Variants in RNF38 observed in about 807,000 individuals in gnomAD.
RNF38 encodes E3 ubiquitin-protein ligase RNF38.
A neutral mutation model predicts 67.2 loss-of-function variants in RNF38; 15 were observed. The ratio of observed to expected loss-of-function variants is 0.22; its 90% confidence interval spans 0.15 to 0.34. RNF38 has a LOEUF of 0.34. Ranked by LOEUF, RNF38 falls within the 10% of genes least tolerant of loss-of-function variation. The probability of loss-of-function intolerance (pLI) is 1.00; values close to 1 mark genes in which losing one functional copy is unlikely to be tolerated. For missense variants in RNF38, 524 were observed against 639.9 expected, an observed-to-expected ratio of 0.82 and a Z score of 1.95; for synonymous variants, 220 against 218.8, an observed-to-expected ratio of 1.01 and a Z score of -0.05.
At chr9:36,473,830 C>CA (rs1215624535) in intron 1 of RNF38, among the ~76,000 whole-genome samples, 2 of 148,122 alleles carry the variant, frequency 1.4e-5, no homozygotes, top group Non-Finnish European at 3.0e-5. Flanking sequence ...ACTAAAAATA[C>CA]AAAAAAATTA....
chr9:36,399,608 T>C (rs1837842512), intron 1 of RNF38, among the ~76,000 whole-genome samples: 2 of 151,110 alleles, frequency 1.3e-5, no homozygotes, highest in Non-Finnish European at 2.9e-5. Context: ...CAGTCAGAAA[T>C]TTCATCTTTT....
intron 2 of RNF38, among the ~76,000 whole-genome samples, chr9:36,379,262 T>G (rs906164142): frequency 2.6e-5 from 4 of 152,186 alleles, no homozygotes; most frequent in African/African-American, 9.6e-5. Flanking sequence ...AGGCAAACAT[T>G]AAAAAGTAGT....
chr9:36,394,937 CA>C (rs1837406916), intron 1 of RNF38, among the ~76,000 whole-genome samples: 1 of 152,144 alleles, frequency 6.6e-6, no homozygotes, highest in Non-Finnish European at 1.5e-5. Context: ...GGCTTTCTCC[CA>C]GAATGCAACC....
At chr9:36,400,006 G>T in intron 1 of RNF38, 91 bp downstream of exon 1, 1 of 1,141,180 alleles carries the variant, frequency 8.8e-7, no homozygotes, top group Non-Finnish European at 1.3e-6. Context: ...AATTACATGT[G>T]TGTGTTTCTA....
intron 11 of RNF38, among the ~76,000 whole-genome samples, chr9:36,341,793 A>G (rs1441721509): frequency 4.8e-5 from 1 of 20,906 alleles, no homozygotes. Flanking sequence ...CCTGTTTCAA[A>G]ATATATATAT....
rs117538062 is a variant in RNF38, at chr9:36,463,817, T to C, written n.241+23491A>G. Among the ~76,000 whole-genome samples, 114 of 152,318 alleles carry C rather than the reference T, an allele frequency of 7.5e-4. 1 individual carries two copies. In the East Asian group the frequency reaches 0.018, roughly 24 times the overall value. On this transcript the variant is annotated intron_variant and non_coding_transcript_variant, in intron 1 of 3. Transcript: ENST00000488058. ...AAGAAGAGACTAAGCTATTTTTCTC[T>C]GCAAACTCCCTAGCTCACACTTACT...
chr9:36,483,301 G>A (rs1019717242), intron 1 of RNF38, among the ~76,000 whole-genome samples: 6 of 152,028 alleles, frequency 3.9e-5, no homozygotes, highest in South Asian at 2.1e-4. Context: ...CAGGAGAATC[G>A]CTTGAACCTG....
At chr9:36,408,266 ATTTT>A (rs35564069) in intron 2 of RNF38, among the ~76,000 whole-genome samples, 2 of 134,716 alleles carry the variant, frequency 1.5e-5, no homozygotes, top group Non-Finnish European at 1.6e-5. Context: ...AACAGACTTA[ATTTT>A]TTTTTTTTTT....
intron 6 of RNF38, 127 bp downstream of exon 6, chr9:36,356,176 A>C: frequency 1.1e-6 from 1 of 888,166 alleles, no homozygotes; most frequent in Non-Finnish European, 1.7e-6. Context: ...TGCCATTTAA[A>C]CATAGTAACT....
intron 11 of RNF38, among the ~76,000 whole-genome samples, chr9:36,340,731 T>G (rs1563990187): frequency 6.6e-6 from 1 of 152,194 alleles, no homozygotes; most frequent in Non-Finnish European, 1.5e-5. Flanking sequence ...CGAGGAAAGC[T>G]TGATTGTAAA....
At chr9:36,409,274 G>A (rs181237152) in intron 2 of RNF38, among the ~76,000 whole-genome samples, 1,659 of 144,724 alleles carry the variant, frequency 0.011, 29 homozygotes, top group African/African-American at 0.04. Flanking sequence ...AGGAAAGAAG[G>A]AAAGAAAGAA....
In RNF38 at chr9:36,416,742, A is replaced by ATTTTTTTTTTTT. The variant is rs386414907; in HGVS notation, n.312+7859_312+7870dup. 6.3e-5 allele frequency among the ~76,000 whole-genome samples: 4 copies of ATTTTTTTTTTTT among 63,470 alleles called. 1 individual carries two copies. Among genetic ancestry groups the ATTTTTTTTTTTT allele is most frequent in the African/African-American group, 1.3e-4 (2 of 15,350 alleles). The allele number at this position is 63,470 out of a possible 152,430, so 41.6% of individuals were successfully genotyped here. ...GGCTCCTTCTTGCTGCTGCCTCGATATTTTTTTTTTTTTTTTTTTTTTTTT... is the reference window on the plus strand; with the variant it reads ...GGCTCCTTCTTGCTGCTGCCTCGATATTTTTTTTTTTTTTTTTTTTTTTTTTTTTTTTTTTTT... On this transcript the variant is annotated intron_variant and non_coding_transcript_variant, in intron 2 of 3. Coordinates refer to the RNF38 transcript ENST00000488058.
chr9:36,389,356 A>ACC (rs1032948318), intron 2 of RNF38, among the ~76,000 whole-genome samples: 11 of 151,554 alleles, frequency 7.3e-5, no homozygotes, highest in Non-Finnish European at 1.5e-4. Context: ...AAAAAAAAAA[A>ACC]AAAACCCTTT....
chr9:36,480,307 T>C (rs940226347), intron 1 of RNF38, among the ~76,000 whole-genome samples: 3 of 152,130 alleles, frequency 2.0e-5, no homozygotes, highest in Non-Finnish European at 2.9e-5. Context: ...AATGAATACC[T>C]GTTTTACTTT....
chr9:36,338,981 T>TC lies in RNF38; in HGVS notation c.*770dup, dbSNP rs1252999819. The TC allele has an allele frequency of 2.6e-5, 4 of 152,622 alleles. No homozygotes were observed. The highest frequency in any genetic ancestry group is 3.8e-4 in the East Asian group (2 of 5,206). 9.5% of individuals were successfully genotyped at this position (152,622 alleles called of 1,614,324 possible). ...AGCGAGAATTTGTTACACTTTTTTT[T>TC]CTTAAGTGACCCACTTAGGACCACC... On this transcript the variant is annotated 3_prime_UTR_variant, in exon 12 of 12. Coordinates refer to ENST00000259605, the MANE Select transcript of RNF38 (RefSeq NM_022781.5).
chr9:36,436,784 T>C (rs981165724), intron 1 of RNF38, among the ~76,000 whole-genome samples: 2 of 130,318 alleles, frequency 1.5e-5, no homozygotes, highest in African/African-American at 6.0e-5. Context: ...ATAGCACCAC[T>C]GCACTCCAGC....
At position 36,462,030 on chromosome 9, in the gene RNF38, A is replaced by T. The variant is rs149985173; in HGVS notation, n.241+25278T>A. ...AAAGAGGTTGGCAAAAAGTATATGC[A>T]AAGGTAAGAGGAAAACAAGGATTAT... On this transcript the variant is annotated intron_variant and non_coding_transcript_variant, in intron 1 of 3. Coordinates refer to the RNF38 transcript ENST00000488058. Among the ~76,000 whole-genome samples, 1,467 of 152,298 alleles carry T rather than the reference A, an allele frequency of 9.6e-3. 24 individuals carry two copies. Among genetic ancestry groups the T allele is most frequent in the African/African-American group, 0.034 (1,396 of 41,552 alleles).
chr9:36,465,388 C>A (rs1294808096), intron 1 of RNF38, among the ~76,000 whole-genome samples: 1 of 151,974 alleles, frequency 6.6e-6, no homozygotes, highest in African/African-American at 2.4e-5. Flanking sequence ...CTCTTGTTGC[C>A]CAGGCTGGAG....
intron 9 of RNF38, among the ~76,000 whole-genome samples, chr9:36,348,179 T>C (rs561569231): frequency 6.6e-6 from 1 of 151,336 alleles, no homozygotes; most frequent in South Asian, 2.1e-4. Flanking sequence ...CCAGTAACCA[T>C]GTTCTAAAGG....
Sources: allele counts gnomAD v4.1 joint callset (sites outside exome capture counted in the v4.1 genomes callset), GRCh38; gene constraint gnomAD v4.1.1; transcripts MANE v1.5; gene names NCBI Gene and HGNC (gene_info 2026-07-23, HGNC 2026-07-21).